The following MYO6 variants were observed in gnomAD, a reference collection of about 807,000 sequenced individuals.
MYO6 encodes the protein unconventional myosin-VI.
Under a neutral mutation model 178.7 loss-of-function variants are expected in MYO6, and 74 were observed. That is an observed-to-expected ratio of 0.41 (90% CI 0.34 to 0.50). The LOEUF is 0.50. Ranked by LOEUF, MYO6 falls within the 20% of genes least tolerant of loss-of-function variation. The pLI is 0.09. For missense variants in MYO6, 1,330 were observed against 1,547.4 expected (o/e 0.86, Z 2.36); for synonymous variants, 477 against 504.6 (o/e 0.95, Z 0.73).
chr6:75,853,336 A>G (rs990016869), intron 11 of MYO6, among the ~76,000 whole-genome samples: 1 of 152,098 alleles, frequency 6.6e-6, no homozygotes, highest in Non-Finnish European at 1.5e-5. Context: ...TTTTTATTTC[A>G]GTGAAGCCTA....
intron 18 of MYO6, chr6:75,867,619 C>T (rs1776804911): frequency 6.5e-6 from 1 of 154,514 alleles, no homozygotes; most frequent in African/African-American, 2.4e-5. Context: ...AATTCATTTT[C>T]AATGTGTTTC....
chr6:75,787,688 C>G (rs1348922737), intron 1 of MYO6, among the ~76,000 whole-genome samples: 1 of 20,996 alleles, frequency 4.8e-5, no homozygotes, highest in African/African-American at 2.8e-4. Context: ...CTCTCTCTCT[C>G]TCTCTCTCTC....
At chr6:75,895,165 G>A in intron 28 of MYO6, 66 bp from the exon 29 acceptor site, 1 of 1,255,006 alleles carries the variant, frequency 8.0e-7, no homozygotes, top group Non-Finnish European at 1.1e-6. Context: ...ACACAAATTT[G>A]CACAATCCAG....
intron 1 of MYO6, among the ~76,000 whole-genome samples, chr6:75,806,250 G>T (rs1184176672): frequency 6.6e-6 from 1 of 151,980 alleles, no homozygotes; most frequent in African/African-American, 2.4e-5. Flanking sequence ...AGCTGGATGT[G>T]GTGGCACATG....
At position 75,914,265 on chromosome 6, in the gene MYO6, C is replaced by T; in HGVS notation, c.3642C>T (p.Pro1214=). 6.2e-7 allele frequency: 1 copy of T among 1,614,140 alleles called. No homozygotes were observed. The highest frequency in any genetic ancestry group is 8.5e-7 in the Non-Finnish European group (1 of 1,179,988). ...TGGAACTCCATCCTGACAAGCCACC[C>T]ATCCTACTTGTGGCTGGTGTGTATG... ...RQMELHPDKP[P]ILLVAGKDDM... The change falls in exon 34 of 35, where the codon CCC becomes CCT. Residue 1214 remains proline, a synonymous_variant. Transcript: ENST00000369977.
At chr6:75,871,586 A>G (rs1482472666) in intron 19 of MYO6, among the ~76,000 whole-genome samples, 2 of 152,150 alleles carry the variant, frequency 1.3e-5, no homozygotes, top group African/African-American at 4.8e-5. Context: ...GTCATTTTGA[A>G]TAGCTAGACA....
At position 75,913,872 on chromosome 6, in the gene MYO6, G is replaced by C. The variant is rs368638896; in HGVS notation, c.3440-191G>C. 6.2e-4 allele frequency among the ~76,000 whole-genome samples: 95 copies of C among 152,188 alleles called. 2 individuals carry two copies. The South Asian group carries it at 0.011, about 18-fold the overall frequency. Reference sequence around the variant, plus strand: ...GGCAATGCTAAGAAACATCTTAAGGGAAAGACAATTCTAAGAAGTAACACT... The same window carrying C: ...GGCAATGCTAAGAAACATCTTAAGGCAAAGACAATTCTAAGAAGTAACACT... On this transcript the variant is annotated intron_variant, in intron 33 of 34. Transcript: ENST00000369977.
At position 75,918,276 on chromosome 6, in the gene MYO6, T is replaced by A; in HGVS notation, c.*3264T>A. Reference sequence around the variant, plus strand: ...AAGGATGGAAGGGGAGGGCAAAGGATATCTAAACATGAGAATAAGGACATG... The same window carrying A: ...AAGGATGGAAGGGGAGGGCAAAGGAAATCTAAACATGAGAATAAGGACATG... On this transcript the variant is annotated 3_prime_UTR_variant, in exon 35 of 35. Coordinates refer to ENST00000369977, the MANE Select transcript of MYO6 (RefSeq NM_004999.4). 6.6e-6 allele frequency: 1 copy of A among 151,964 alleles called. No homozygotes were observed. Among genetic ancestry groups the A allele is most frequent in the East Asian group, 1.9e-4 (1 of 5,188 alleles). The allele number at this position is 151,964 out of a possible 1,614,324, so 9.4% of individuals were successfully genotyped here. A position where few individuals can be genotyped will look rare whatever the true frequency, so the allele number is the denominator to read the frequency against.
At chr6:75,866,702 TATTA>T (rs749054409) in intron 17 of MYO6, 81 bp downstream of exon 17, 75 of 1,263,006 alleles carry the variant, frequency 5.9e-5, no homozygotes, top group Non-Finnish European at 7.8e-5. Context: ...GTCACGTGGT[TATTA>T]ATTATTTCAC....
chr6:75,825,680 A>G (rs905924237), intron 3 of MYO6, among the ~76,000 whole-genome samples: 3 of 152,180 alleles, frequency 2.0e-5, no homozygotes, highest in Admixed American at 6.5e-5. Context: ...ACAACAACAT[A>G]TATTTAGAAT....
chr6:75,821,413 A>G (rs963959134), intron 2 of MYO6, among the ~76,000 whole-genome samples: 1 of 152,160 alleles, frequency 6.6e-6, no homozygotes, highest in African/African-American at 2.4e-5. Context: ...TTATATTACC[A>G]TTAATATACT....
At chr6:75,841,887 A>G (rs1477876371) in intron 9 of MYO6, among the ~76,000 whole-genome samples, 1 of 152,174 alleles carries the variant, frequency 6.6e-6, no homozygotes, top group Non-Finnish European at 1.5e-5. Context: ...ATAACACTGT[A>G]TGAGGAGGCA....
intron 1 of MYO6, among the ~76,000 whole-genome samples, chr6:75,798,704 G>A (rs1769109919): frequency 6.6e-6 from 1 of 152,096 alleles, no homozygotes. Flanking sequence ...CTTGAGAACA[G>A]GAGCAAGACA....
At position 75,870,662 on chromosome 6, in the gene MYO6, C is replaced by A. The variant is rs890026684; in HGVS notation, c.1960C>A (p.Leu654Ile). The stretch of plus-strand genomic sequence containing the variant: ...TCTTTCACAGACACAGTTAAATTTG[C>A]TTCTGGATAAACTTCGAAGTACTGT... ...GNKFKTQLNL[L>I]LDKLRSTGAS... The change falls in exon 19 of 35, where the codon CTT becomes ATT. Residue 654 changes from leucine to isoleucine, a missense_variant. Around this residue, in one of 3 missense-constraint regions of MYO6, gnomAD observed 613 missense variants for 816.8 expected, o/e 0.75. Transcript: ENST00000369977. The A allele has an allele frequency of 1.2e-5, 20 of 1,612,182 alleles. No individual in the cohort carries two copies. The highest frequency in any genetic ancestry group is 1.7e-5 in the Non-Finnish European group (20 of 1,179,222).
rs767829089 is a variant in MYO6 at position 75,848,517 on chromosome 6, C to T, written c.1064C>T (p.Ala355Val). The T allele has an allele frequency of 2.5e-6, 4 of 1,613,266 alleles. No individual in the cohort carries two copies. The highest frequency in any genetic ancestry group is 1.7e-5 in the Admixed American group (1 of 59,948). Reference protein sequence around the residue: ...LHLGNIDFEEAGSTSGGCNLK... With the variant: ...LHLGNIDFEEVGSTSGGCNLK... ...CTTGGAAATATTGATTTTGAGGAAG[C>T]TGGCAGCACTTCAGGTTTGCTTTTT... Residue 355 changes from alanine to valine, a missense_variant, in exon 11 of 35, where the codon GCT (alanine) becomes GTT (valine). Transcript: ENST00000369977.
At chr6:75,842,057 G>T (rs914237756) in intron 9 of MYO6, among the ~76,000 whole-genome samples, 1 of 152,156 alleles carries the variant, frequency 6.6e-6, no homozygotes, top group Non-Finnish European at 1.5e-5. Context: ...ACACATGATT[G>T]AATTTCTTAA....
At chr6:75,902,537 T>C (rs1779887814) in intron 30 of MYO6, among the ~76,000 whole-genome samples, 1 of 152,224 alleles carries the variant, frequency 6.6e-6, no homozygotes, top group Non-Finnish European at 1.5e-5. Context: ...TATTCTCTGA[T>C]GGTAGTTTGT....
chr6:75,898,354 A>G lies in MYO6; in HGVS notation c.3138-19A>G. 1 of 1,569,844 alleles carries G rather than the reference A, an allele frequency of 6.4e-7. No individual in the cohort carries two copies. Among genetic ancestry groups the G allele is most frequent in the Non-Finnish European group, 8.8e-7 (1 of 1,140,024 alleles). ...TATGACTTTTATGTAACCATATTGT[A>G]TTATCGTTTTTCTTGTAGGGAACAA... On this transcript the variant is annotated intron_variant, in intron 29 of 34. Coordinates refer to ENST00000369977, the MANE Select transcript of MYO6 (RefSeq NM_004999.4).
chr6:75,911,725 G>A, intron 33 of MYO6, 27 bp downstream of exon 33: 4 of 1,605,820 alleles, frequency 2.5e-6, no homozygotes, highest in East Asian at 2.2e-5. Flanking sequence ...TAACTCATGA[G>A]CTAACTGGAA....
Sources: gnomAD v4.1 joint callset for allele counts (sites outside exome capture counted in the v4.1 genomes callset) on GRCh38, gnomAD v4.1.1 for gene constraint, gnomAD v4.1.1 regional missense constraint, MANE v1.5 for transcripts, NCBI Gene and HGNC (gene_info 2026-07-23, HGNC 2026-07-21) for gene names.